Variants in VAT1L observed in about 807,000 individuals in gnomAD.
VAT1L encodes vesicle amine transport 1 like, also known as putative NADPH-dependent quinone oxidoreductase VAT1L.
Under a neutral mutation model 44.1 loss-of-function variants are expected in VAT1L, and 34 were observed. The observed-to-expected ratio is 0.77, with a 90% CI of 0.59 to 1.03. VAT1L has a LOEUF of 1.03. Ranked by LOEUF, VAT1L falls within the 50% of genes least tolerant of loss-of-function variation. The pLI is 0.00. For missense variants in VAT1L, 615 were observed against 538.8 expected (o/e 1.14, Z -1.40); for synonymous variants, 253 against 202.2 (o/e 1.25, Z -2.13).
At chr16:77,957,497 C>T (rs890763315) in intron 7 of VAT1L, among the ~76,000 whole-genome samples, 2 of 152,050 alleles carry the variant, frequency 1.3e-5, no homozygotes, top group African/African-American at 2.4e-5. Context: ...GCAGCCAAGG[C>T]GGGTAGATCA....
chr16:77,942,871 A>T (rs2017906517), intron 7 of VAT1L, among the ~76,000 whole-genome samples: 2 of 151,468 alleles, frequency 1.3e-5, no homozygotes, highest in South Asian at 4.2e-4. Flanking sequence ...CAGCCTCCCA[A>T]GTAGCTGGGA....
At chr16:77,803,293 T>C (rs146101426) in intron 1 of VAT1L, among the ~76,000 whole-genome samples, 184 of 152,286 alleles carry the variant, frequency 1.2e-3, no homozygotes, top group Admixed American at 2.9e-3. Flanking sequence ...GCCAAGTGGC[T>C]ACCATATTGG....
intron 7 of VAT1L, among the ~76,000 whole-genome samples, chr16:77,962,542 A>G (rs2018171735): frequency 6.6e-6 from 1 of 151,408 alleles, no homozygotes; most frequent in African/African-American, 2.4e-5. Context: ...CCCTTTTATT[A>G]GGTGGCCTCG....
chr16:77,823,336 A>G (rs896438689), intron 2 of VAT1L, among the ~76,000 whole-genome samples: 1 of 152,210 alleles, frequency 6.6e-6, no homozygotes, highest in African/African-American at 2.4e-5. Context: ...ATCCCTTCCA[A>G]GTAGATTTTC....
chr16:77,812,992 T>G (rs2016291042), intron 1 of VAT1L, among the ~76,000 whole-genome samples: 1 of 152,144 alleles, frequency 6.6e-6, no homozygotes, highest in African/African-American at 2.4e-5. Context: ...TGCAATGATC[T>G]GAAATGTTTA....
At chr16:77,862,486 T>G (rs1025708226) in intron 3 of VAT1L, among the ~76,000 whole-genome samples, 1 of 151,836 alleles carries the variant, frequency 6.6e-6, no homozygotes, top group Non-Finnish European at 1.5e-5. Flanking sequence ...CATGGCAGCA[T>G]GTGCCTGTAG....
At chr16:77,854,251 T>C (rs1026366862) in intron 3 of VAT1L, among the ~76,000 whole-genome samples, 1 of 152,212 alleles carries the variant, frequency 6.6e-6, no homozygotes, top group African/African-American at 2.4e-5. Flanking sequence ...CCTCCTGCCA[T>C]TGAAATTCTC....
chr16:77,946,838 T>G (rs1228788106), intron 7 of VAT1L, among the ~76,000 whole-genome samples: 1 of 152,102 alleles, frequency 6.6e-6, no homozygotes, highest in Non-Finnish European at 1.5e-5. Context: ...CTGGGATCAG[T>G]CCCATTTGAG....
At chr16:77,875,600 G>C (rs191583023) in intron 4 of VAT1L, among the ~76,000 whole-genome samples, 124 of 152,338 alleles carry the variant, frequency 8.1e-4, no homozygotes, top group Middle Eastern at 6.8e-3. Flanking sequence ...GCATTAGTGA[G>C]TGAGTGAGTG....
intron 4 of VAT1L, among the ~76,000 whole-genome samples, chr16:77,872,866 G>C (rs2017046916): frequency 6.6e-6 from 1 of 152,142 alleles, no homozygotes; most frequent in African/African-American, 2.4e-5. Flanking sequence ...CTAGCATGTA[G>C]TAAACACTCA....
rs1186539056 is a variant in VAT1L at position 77,977,656 on chromosome 16, A to T, written c.1221A>T (p.Gly407=). The change falls in exon 9 of 9, where the codon GGA becomes GGT. Residue 407 remains glycine (G), a synonymous_variant. Coordinates refer to ENST00000302536, the MANE Select transcript of VAT1L (RefSeq NM_020927.3). ...GGGAAGAGGAGGAGGACCACGAGGGAGACAGCGAGAACAAGGAGCGGATGC... is the reference window on the plus strand; with the variant it reads ...GGGAAGAGGAGGAGGACCACGAGGGTGACAGCGAGAACAAGGAGCGGATGC... The part of the protein sequence containing the change: ...EAGEEEEDHE[G]DSENKERMPF... 1 of 1,614,000 alleles carries T rather than the reference A, an allele frequency of 6.2e-7. No homozygotes were observed. Among genetic ancestry groups the T allele is most frequent in the African/African-American group, 1.3e-5 (1 of 74,930 alleles).
chr16:77,848,786 C>T (rs2016780990), intron 3 of VAT1L, among the ~76,000 whole-genome samples: 2 of 152,226 alleles, frequency 1.3e-5, no homozygotes, highest in South Asian at 4.1e-4. Context: ...ACTTGGAACC[C>T]ACCCAAATGC....
At chr16:77,795,813 C>CTTTTTT (rs56725954) in intron 1 of VAT1L, among the ~76,000 whole-genome samples, 94 of 100,574 alleles carry the variant, frequency 9.3e-4, no homozygotes, top group Non-Finnish European at 1.3e-3. Context: ...CCTTTTTTCT[C>CTTTTTT]TTTTTTTTTT....
chr16:77,852,673 A>G (rs1443098966), intron 3 of VAT1L, among the ~76,000 whole-genome samples: 2 of 152,186 alleles, frequency 1.3e-5, no homozygotes, highest in East Asian at 3.9e-4. Context: ...TAAAGTACCC[A>G]GCATAGTGCT....
At chr16:77,946,204 C>T (rs1597114675) in intron 7 of VAT1L, among the ~76,000 whole-genome samples, 1 of 149,114 alleles carries the variant, frequency 6.7e-6, no homozygotes, top group African/African-American at 2.5e-5. Context: ...ATAATGGCTA[C>T]ATAATATTCT....
At chr16:77,895,061 T>A (rs1396413129) in intron 7 of VAT1L, among the ~76,000 whole-genome samples, 1 of 140,582 alleles carries the variant, frequency 7.1e-6, no homozygotes, top group Admixed American at 7.1e-5. Flanking sequence ...AGTGGAATTT[T>A]AAATTTTTCA....
At chr16:77,924,989 T>C (rs1369058371) in intron 7 of VAT1L, among the ~76,000 whole-genome samples, 1 of 152,200 alleles carries the variant, frequency 6.6e-6, no homozygotes, top group Non-Finnish European at 1.5e-5. Context: ...CTCTGTCTAA[T>C]AGTGTATGCA....
At position 77,858,113 on chromosome 16, in the gene VAT1L, C is replaced by T. The variant is rs534375424; in HGVS notation, c.580-4635C>T. On this transcript the variant is annotated intron_variant, in intron 3 of 8. Transcript: ENST00000302536. ...AGCAGAGGGCCGGTGGAGACACAGTCCCTGCCCCCACAGAGCTCACAGATG... is the reference window on the plus strand; with the variant it reads ...AGCAGAGGGCCGGTGGAGACACAGTTCCTGCCCCCACAGAGCTCACAGATG... Among the ~76,000 whole-genome samples, 4 of 152,254 alleles carry T rather than the reference C, an allele frequency of 2.6e-5. No individual in the cohort carries two copies. The South Asian group carries it at 8.3e-4, about 32-fold the overall frequency.
rs2018363408 is a variant in VAT1L at position 77,978,354 on chromosome 16, GACAATGGGTCA to G, written c.*663_*673del. ...AGGCAGGTATGGATTTTTCACAGTA[GACAATGGGTCA>G]ACAGCATGAGTTTGAGGACCTGCTG... On this transcript the variant is annotated 3_prime_UTR_variant, in exon 9 of 9. Coordinates refer to ENST00000302536, the MANE Select transcript of VAT1L (RefSeq NM_020927.3). 1 of 152,276 alleles carries G rather than the reference GACAATGGGTCA, an allele frequency of 6.6e-6. No homozygotes were observed. Among genetic ancestry groups the G allele is most frequent in the Non-Finnish European group, 1.5e-5 (1 of 68,148 alleles). The allele number at this position is 152,276 out of a possible 1,614,324, so 9.4% of individuals were successfully genotyped here.
Sources: allele counts gnomAD v4.1 joint callset (sites outside exome capture counted in the v4.1 genomes callset), GRCh38; gene constraint gnomAD v4.1.1; transcripts MANE v1.5; gene names NCBI Gene and HGNC (gene_info 2026-07-23, HGNC 2026-07-21).